Variants in PTN observed in about 807,000 individuals in gnomAD.
PTN encodes pleiotrophin, also known as heparin affin regulatory protein.
In PTN, 18 loss-of-function variants were observed where a neutral mutation model predicts 24.1. That is an observed-to-expected ratio of 0.75 (90% CI 0.52 to 1.11). PTN has a LOEUF of 1.11. PTN is among the 50% of genes least tolerant of loss of function. PTN has a pLI of 0.00. For synonymous variants in PTN, 78 were observed against 68.6 expected, an observed-to-expected ratio of 1.14 and a Z score of -0.67; for missense variants, 163 against 198.8, an observed-to-expected ratio of 0.82 and a Z score of 1.08.
intron 1 of PTN, among the ~76,000 whole-genome samples, chr7:137,296,041 T>C (rs1563215585): frequency 1.3e-5 from 2 of 152,044 alleles, no homozygotes; most frequent in Admixed American, 6.6e-5. Flanking sequence ...TAGAGTTTAA[T>C]TGGAAAATCT....
intron 1 of PTN, among the ~76,000 whole-genome samples, chr7:137,267,881 C>T (rs182748052): frequency 6.6e-5 from 10 of 152,162 alleles, no homozygotes; most frequent in African/African-American, 1.7e-4. Flanking sequence ...AACAAAGTGC[C>T]GATACAGGCA....
chr7:137,332,781 C>A (rs373281758), intron 1 of PTN, among the ~76,000 whole-genome samples: 1 of 152,046 alleles, frequency 6.6e-6, no homozygotes, highest in South Asian at 2.1e-4. Context: ...GTTTTTTAAG[C>A]CAACAATCTG....
chr7:137,267,200 CTT>C (rs1809167413), intron 1 of PTN, among the ~76,000 whole-genome samples: 1 of 151,738 alleles, frequency 6.6e-6, no homozygotes, highest in African/African-American at 2.4e-5. Context: ...TTCCTTTTGC[CTT>C]TGTCTCTTCC....
chr7:137,317,821 A>T (rs1022569919), intron 1 of PTN, among the ~76,000 whole-genome samples: 2 of 152,144 alleles, frequency 1.3e-5, no homozygotes, highest in Non-Finnish European at 2.9e-5. Context: ...TCTTTGCAGG[A>T]AGATGCGTCA....
chr7:137,327,004 G>T (rs1810273904), intron 1 of PTN: 1 of 152,152 alleles, frequency 6.6e-6, no homozygotes, highest in Admixed American at 6.6e-5. Context: ...TTGTGAAACA[G>T]AGAAAGGGGT....
At chr7:137,270,343 A>AAGTT (rs1809253990) in intron 1 of PTN, among the ~76,000 whole-genome samples, 1 of 152,182 alleles carries the variant, frequency 6.6e-6, no homozygotes, top group African/African-American at 2.4e-5. Flanking sequence ...TTATAGCTAG[A>AAGTT]AGTTCTTTTA....
rs1808568262 is a variant in PTN, at chr7:137,238,762, G to A, written c.452-10687C>T. ...CAAATAAAACTACTTTAGCTGCCATGCAGCTTGAGTGAGACAATGCAGGCT... is the reference window on the plus strand; with the variant it reads ...CAAATAAAACTACTTTAGCTGCCATACAGCTTGAGTGAGACAATGCAGGCT... On this transcript the variant is annotated intron_variant, in intron 4 of 4. Coordinates refer to ENST00000348225, the MANE Select transcript of PTN (RefSeq NM_002825.7). 2.6e-5 allele frequency among the ~76,000 whole-genome samples: 4 copies of A among 152,298 alleles called. No homozygotes were observed. In the South Asian group the frequency reaches 8.3e-4, roughly 32 times the overall value.
Position 137,233,702 on chromosome 7 carries a change from C to G in PTN, c.452-5627G>C, listed in dbSNP as rs564383216. Among the ~76,000 whole-genome samples, 297 of 151,800 alleles carry G rather than the reference C, an allele frequency of 2.0e-3. 2 individuals are homozygous for G. Among genetic ancestry groups the G allele is most frequent in the African/African-American group, 6.9e-3 (285 of 41,418 alleles). ...CTAATTTACTACTACAATCCAGAGA[C>G]ATGTGTTGTGAAAAATAGAGCAGCC... On this transcript the variant is annotated intron_variant, in intron 4 of 4. Transcript: ENST00000348225.
At chr7:137,292,878 T>A (rs1291125113) in intron 1 of PTN, among the ~76,000 whole-genome samples, 1 of 152,162 alleles carries the variant, frequency 6.6e-6, no homozygotes, top group Admixed American at 6.5e-5. Context: ...TTTTGGCATG[T>A]TGGTGAGGTC....
At chr7:137,278,378 A>G (rs1809406852) in intron 1 of PTN, among the ~76,000 whole-genome samples, 1 of 151,420 alleles carries the variant, frequency 6.6e-6, no homozygotes, top group South Asian at 2.1e-4. Flanking sequence ...AATTAGATAA[A>G]CAAGCAAGAC....
intron 1 of PTN, among the ~76,000 whole-genome samples, chr7:137,341,192 GAT>G (rs1280080485): frequency 6.6e-6 from 1 of 152,226 alleles, no homozygotes; most frequent in East Asian, 1.9e-4. Flanking sequence ...TGATATCTAA[GAT>G]TGATTTTACT....
At chr7:137,292,981 C>T (rs1809664442) in intron 1 of PTN, among the ~76,000 whole-genome samples, 1 of 152,194 alleles carries the variant, frequency 6.6e-6, no homozygotes, top group African/African-American at 2.4e-5. Flanking sequence ...TTAGTCCTAA[C>T]ACTCTATCAG....
intron 1 of PTN, among the ~76,000 whole-genome samples, chr7:137,260,786 C>G (rs992428853): frequency 6.6e-6 from 1 of 152,126 alleles, no homozygotes; most frequent in African/African-American, 2.4e-5. Flanking sequence ...CATTCTTTCA[C>G]CAGGAGCTAC....
chr7:137,239,986 G>A (rs573886671), intron 4 of PTN, among the ~76,000 whole-genome samples: 24 of 152,160 alleles, frequency 1.6e-4, no homozygotes, highest in African/African-American at 3.9e-4. Flanking sequence ...GAAGGACTTT[G>A]AACTTCTGCT....
intron 1 of PTN, among the ~76,000 whole-genome samples, chr7:137,341,381 T>C (rs1400264236): frequency 6.6e-6 from 1 of 151,950 alleles, no homozygotes; most frequent in Non-Finnish European, 1.5e-5. Flanking sequence ...GAAGCCCAAA[T>C]AAGGCATATG....
Position 137,251,360 on chromosome 7 carries a change from T to C in PTN, c.321A>G (p.Gly107=). 1 of 1,613,986 alleles carries C rather than the reference T, an allele frequency of 6.2e-7. No homozygotes were observed. Among genetic ancestry groups the C allele is most frequent in the Non-Finnish European group, 8.5e-7 (1 of 1,179,996 alleles). Residue 107 remains glycine, a synonymous_variant, in exon 4 of 5, where the codon GGA becomes GGG. Coordinates refer to ENST00000348225, the MANE Select transcript of PTN (RefSeq NM_002825.7). The part of the protein sequence containing the change: ...AECKYQFQAW[G]ECDLNTALKT... ...TCAGGGCTGTGTTCAGGTCACATTC[T>C]CCCCAGGCCTGGAACTGGTATTTGC...
chr7:137,297,710 G>A (rs58155079), intron 1 of PTN, among the ~76,000 whole-genome samples: 2 of 152,002 alleles, frequency 1.3e-5, no homozygotes, highest in Non-Finnish European at 2.9e-5. Flanking sequence ...ATTCCCGACA[G>A]TTCCTCCATT....
intron 1 of PTN, among the ~76,000 whole-genome samples, chr7:137,268,858 T>G (rs887450303): frequency 2.6e-5 from 4 of 152,234 alleles, no homozygotes; most frequent in Non-Finnish European, 4.4e-5. Context: ...TTCCCCTTAA[T>G]TCTTTCCTAG....
chr7:137,330,092 G>A (rs1810324998), intron 1 of PTN, among the ~76,000 whole-genome samples: 1 of 152,060 alleles, frequency 6.6e-6, no homozygotes, highest in Non-Finnish European at 1.5e-5. Flanking sequence ...TTCAAGATCA[G>A]CCTGGCCAAC....
Sources: gnomAD v4.1 joint callset for allele counts (sites outside exome capture counted in the v4.1 genomes callset) on GRCh38, gnomAD v4.1.1 for gene constraint, MANE v1.5 for transcripts, NCBI Gene and HGNC (gene_info 2026-07-23, HGNC 2026-07-21) for gene names.